The following SLC6A16 variants were observed in gnomAD, a reference collection of about 807,000 sequenced individuals.
The protein encoded by SLC6A16 is solute carrier family 6 member 16, also known as orphan sodium- and chloride-dependent neurotransmitter transporter NTT5.
Under a neutral mutation model 65.4 loss-of-function variants are expected in SLC6A16, and 54 were observed. The observed-to-expected ratio is 0.83, with a 90% confidence interval of 0.66 to 1.04. SLC6A16 has a LOEUF of 1.04. SLC6A16 is among the 50% of genes least tolerant of loss of function. The probability of loss-of-function intolerance (pLI) is 0.00; values close to 1 mark genes in which losing one functional copy is unlikely to be tolerated. For missense variants in SLC6A16, 816 were observed against 914.0 expected (o/e 0.89, Z 1.38); for synonymous variants, 330 against 346.5 (o/e 0.95, Z 0.53).
chr19:49,339,329 G>A, the SLC6A16 span: 2 of 1,613,826 alleles, frequency 1.2e-6, no homozygotes, highest in South Asian at 1.1e-5. This position sits in a 1 kb window ranked among gnomAD's most constrained non-coding sequence, Gnocchi z 4.5. Flanking sequence ...ACACCCCCCA[G>A]GGCTGCGCGC....
At chr19:49,334,932 T>A in the SLC6A16 span, among the ~76,000 whole-genome samples, 1 of 151,266 alleles carries the variant, frequency 6.6e-6, no homozygotes, top group Non-Finnish European at 1.5e-5. Context: ...AGAGGGAGGA[T>A]AGAGACCCCA....
At chr19:49,323,518 GAAAC>G (rs1600656422) in intron 1 of SLC6A16, among the ~76,000 whole-genome samples, 1 of 151,956 alleles carries the variant, frequency 6.6e-6, no homozygotes, top group Non-Finnish European at 1.5e-5. Flanking sequence ...CAACAACAAA[GAAAC>G]AAACAACACA....
upstream of SLC6A16, among the ~76,000 whole-genome samples, chr19:49,326,499 CAA>C (rs1191337724): frequency 6.6e-6 from 1 of 152,086 alleles, no homozygotes; most frequent in Non-Finnish European, 1.5e-5. Context: ...TATGATTGAA[CAA>C]AGAGATGAAG....
At position 49,294,463 on chromosome 19, in the gene SLC6A16, G is replaced by A. The variant is rs1367569554; in HGVS notation, c.1320C>T (p.Ser440=). The change falls in exon 8 of 12, where the codon TCC becomes TCT. Residue 440 remains serine, a synonymous_variant. Transcript: ENST00000335875. ...PPVNLLYNPT[S]IYNAWLSGLP... is the part of the protein sequence containing the mutation. ...GGCCACTGAGCCAGGCATTGTAGAT[G>A]GAGGTTGGGTTGTAAAGCAGGTTGA... 3 of 1,614,076 alleles carry A rather than the reference G, an allele frequency of 1.9e-6. No individual in the cohort carries two copies. In the African/African-American group the frequency reaches 4.0e-5, roughly 22 times the overall value.
Position 49,309,677 on chromosome 19 carries a change from TC to T in SLC6A16, c.849del (p.Met283IlefsTer11). 1.2e-6 allele frequency: 2 copies of T among 1,613,982 alleles called. No individual in the cohort carries two copies. The highest frequency in any genetic ancestry group is 1.7e-6 in the Non-Finnish European group (2 of 1,179,924). On this transcript the variant is annotated frameshift_variant, in exon 5 of 12. Coordinates refer to ENST00000335875, the MANE Select transcript of SLC6A16 (RefSeq NM_014037.3). LOFTEE classifies it high-confidence loss of function. ...TTCCCAGTGGACTTGAGCCCATTGA[TC>T]ATGAAAGCACCAACAAGACACCAGC... ...FLCWCLVGAFMINGLKSTGKV... is the reference protein window; with the variant it reads ...FLCWCLVGAFXINGLKSTGKV...
chr19:49,334,129 G>C, the SLC6A16 span, among the ~76,000 whole-genome samples: 2 of 152,312 alleles, frequency 1.3e-5, no homozygotes, highest in South Asian at 4.1e-4. Context: ...GGTGCTCCCT[G>C]GTCCAGAACA....
At chr19:49,333,087 A>C in the SLC6A16 span, among the ~76,000 whole-genome samples, 2 of 151,950 alleles carry the variant, frequency 1.3e-5, no homozygotes, top group Admixed American at 6.6e-5. Flanking sequence ...GCTTGAACGC[A>C]GGAGGCAGAG....
chr19:49,340,179 GC>G, the SLC6A16 span: 2 of 1,460,614 alleles, frequency 1.4e-6, no homozygotes, highest in East Asian at 4.8e-5. Flanking sequence ...GACCTTTCTC[GC>G]CCGGGTGGGC....
chr19:49,335,258 G>A, the SLC6A16 span: 1 of 472,242 alleles, frequency 2.1e-6, no homozygotes, highest in Non-Finnish European at 3.8e-6. This position sits in a 1 kb window ranked among gnomAD's most constrained non-coding sequence, Gnocchi z 4.6. Context: ...ACTGCCCCAT[G>A]AGTCCTTGGT....
At chr19:49,325,198 C>T (rs1368193787), upstream of SLC6A16, 5 of 985,406 alleles carry the variant, frequency 5.1e-6, no homozygotes, top group Admixed American at 6.1e-5. Context: ...ATCTGCCTGG[C>T]GCGCGGCCTT....
intron 11 of SLC6A16, 55 bp from the exon 12 acceptor site, chr19:49,290,447 A>G: frequency 6.3e-7 from 1 of 1,584,306 alleles, no homozygotes. Flanking sequence ...GAGAAAAGGA[A>G]GAGTTGTGGA....
At chr19:49,335,556 A>G in the SLC6A16 span, 2 of 1,613,592 alleles carry the variant, frequency 1.2e-6, no homozygotes, top group Non-Finnish European at 1.7e-6. The surrounding 1 kb of genome is among the most constrained non-coding windows in gnomAD (Gnocchi z 4.6). Flanking sequence ...AGCCCAGGAG[A>G]GCTGCCTCAG....
At chr19:49,324,862 G>T (rs772690608) in intron 1 of SLC6A16, among the ~76,000 whole-genome samples, 186 bp downstream of exon 1, 16 of 152,142 alleles carry the variant, frequency 1.1e-4, no homozygotes, top group Non-Finnish European at 2.2e-4. Flanking sequence ...TGTCCTACGT[G>T]GGGGGTAAAG....
At chr19:49,309,276 G>A (rs376372987) in intron 6 of SLC6A16, 25 bp downstream of exon 6, 225 of 1,589,098 alleles carry the variant, frequency 1.4e-4, no homozygotes, top group African/African-American at 2.3e-4. Flanking sequence ...AAGGCCTGAC[G>A]GGGGAGTGAG....
At chr19:49,338,336 C>G in the SLC6A16 span, 3 of 658,746 alleles carry the variant, frequency 4.6e-6, no homozygotes, top group East Asian at 8.7e-5. This position sits in a 1 kb window ranked among gnomAD's most constrained non-coding sequence, Gnocchi z 5.0. Flanking sequence ...CTTCCTACCC[C>G]GTAGTGACTC....
chr19:49,333,042 A>C, the SLC6A16 span, among the ~76,000 whole-genome samples: 3 of 151,748 alleles, frequency 2.0e-5, no homozygotes, highest in Non-Finnish European at 4.4e-5. Context: ...CATGCCTGTA[A>C]TCCCAGCTAC....
intron 1 of SLC6A16, among the ~76,000 whole-genome samples, chr19:49,318,458 T>C (rs1970651821): frequency 6.6e-6 from 1 of 152,072 alleles, no homozygotes; most frequent in Non-Finnish European, 1.5e-5. Flanking sequence ...CTTAAGATAA[T>C]ACAGACAAAC....
chr19:49,306,943 G>C (rs1970401023), intron 7 of SLC6A16, among the ~76,000 whole-genome samples: 1 of 151,496 alleles, frequency 6.6e-6, no homozygotes, highest in Non-Finnish European at 1.5e-5. Flanking sequence ...AGGCAGTAAA[G>C]AGATTATGAT....
At chr19:49,320,730 C>T (rs1215008438) in intron 1 of SLC6A16, among the ~76,000 whole-genome samples, 2 of 152,118 alleles carry the variant, frequency 1.3e-5, no homozygotes, top group African/African-American at 4.8e-5. Context: ...GTACTATGAA[C>T]TTATGAACAA....
Sources: gnomAD v4.1 joint callset for allele counts (sites outside exome capture counted in the v4.1 genomes callset) on GRCh38, gnomAD v4.1.1 for gene constraint, Gnocchi (gnomAD v3.1) non-coding constraint, MANE v1.5 for transcripts, NCBI Gene and HGNC (gene_info 2026-07-23, HGNC 2026-07-21) for gene names.